Variants in CNTNAP2 observed in about 807,000 individuals in gnomAD.
CNTNAP2 encodes contactin-associated protein-like 2.
A neutral mutation model predicts 155.2 loss-of-function variants in CNTNAP2; 98 were observed. That is an observed-to-expected ratio of 0.63 (90% CI 0.54 to 0.75). CNTNAP2 has a LOEUF of 0.75. CNTNAP2 is among the 30% of genes least tolerant of loss of function. The pLI is 0.00. For synonymous variants in CNTNAP2, 651 were observed against 631.2 expected (o/e 1.03, Z -0.47); for missense variants, 1,727 against 1,688.1 (o/e 1.02, Z -0.40).
In CNTNAP2 at chr7:147,470,904, G is replaced by A. The variant is rs368655699; in HGVS notation, c.1671-15031G>A. Among the ~76,000 whole-genome samples, 47 of 152,136 alleles carry A rather than the reference G, an allele frequency of 3.1e-4. 1 individual carries two copies. The highest frequency in any genetic ancestry group is 1.3e-3 in the Admixed American group (20 of 15,270). On this transcript the variant is annotated intron_variant, in intron 10 of 23. Transcript: ENST00000361727. ...AGGCAAGCAGCCCAAGGTCGAGCTC[G>A]GGGGCACACCGATGTTTTATCAAAA...
chr7:147,220,389 T>C (rs1202855632), intron 8 of CNTNAP2, among the ~76,000 whole-genome samples: 6 of 152,232 alleles, frequency 3.9e-5, no homozygotes, highest in African/African-American at 1.4e-4. Flanking sequence ...GAGTTTCTCA[T>C]AGACAACACA....
intron 1 of CNTNAP2, among the ~76,000 whole-genome samples, chr7:146,215,382 G>A (rs1023799215): frequency 6.6e-6 from 1 of 152,006 alleles, no homozygotes; most frequent in Non-Finnish European, 1.5e-5. Context: ...ACATCTTACT[G>A]TCTTCAAATT....
intron 13 of CNTNAP2, among the ~76,000 whole-genome samples, chr7:147,739,141 G>GTTT (rs78880175): frequency 5.9e-5 from 8 of 136,310 alleles, no homozygotes; most frequent in Non-Finnish European, 9.6e-5. Flanking sequence ...TCTCTCTGAA[G>GTTT]TTTTTTTTTT....
At chr7:147,935,229 C>A (rs770397851) in intron 14 of CNTNAP2, among the ~76,000 whole-genome samples, 2 of 151,852 alleles carry the variant, frequency 1.3e-5, no homozygotes, top group Non-Finnish European at 2.9e-5. Flanking sequence ...CGGGGTCAAG[C>A]GACTCTCCTG....
At chr7:146,949,346 C>A (rs900258791) in intron 3 of CNTNAP2, among the ~76,000 whole-genome samples, 5 of 152,294 alleles carry the variant, frequency 3.3e-5, no homozygotes, top group African/African-American at 1.2e-4. Flanking sequence ...AGTCTTATCC[C>A]CTGATGTCTC....
intron 11 of CNTNAP2, among the ~76,000 whole-genome samples, chr7:147,508,152 C>G (rs1360348995): frequency 2.0e-5 from 3 of 152,160 alleles, no homozygotes; most frequent in East Asian, 3.8e-4. Context: ...CAGTGACCAG[C>G]ACATAGTAGA....
chr7:148,240,441 G>A (rs758275522), intron 20 of CNTNAP2, among the ~76,000 whole-genome samples: 34 of 152,176 alleles, frequency 2.2e-4, no homozygotes, highest in Non-Finnish European at 2.2e-4. Flanking sequence ...GCAGTTTGGG[G>A]TGGTGATAAG....
At chr7:147,088,806 T>A (rs1800335378) in intron 4 of CNTNAP2, among the ~76,000 whole-genome samples, 1 of 151,988 alleles carries the variant, frequency 6.6e-6, no homozygotes, top group Non-Finnish European at 1.5e-5. Context: ...TAGCTGGACA[T>A]GGTGGTGCCT....
chr7:147,296,690 T>C (rs1365358140), intron 8 of CNTNAP2, among the ~76,000 whole-genome samples: 1 of 152,204 alleles, frequency 6.6e-6, no homozygotes, highest in Non-Finnish European at 1.5e-5. Flanking sequence ...TAGACCCTGA[T>C]ATATGAATAT....
At chr7:147,814,828 G>T (rs1055696646) in intron 13 of CNTNAP2, among the ~76,000 whole-genome samples, 1 of 152,110 alleles carries the variant, frequency 6.6e-6, no homozygotes, top group African/African-American at 2.4e-5. Context: ...TATATATATA[G>T]TCGTCCTACA....
At chr7:146,610,100 T>C (rs1391795128) in intron 1 of CNTNAP2, among the ~76,000 whole-genome samples, 1 of 152,192 alleles carries the variant, frequency 6.6e-6, no homozygotes. Flanking sequence ...AGGTGAGTCA[T>C]ATACACTGCC....
chr7:147,148,444 A>G (rs1206289052), intron 8 of CNTNAP2, among the ~76,000 whole-genome samples: 1 of 151,950 alleles, frequency 6.6e-6, no homozygotes, highest in African/African-American at 2.4e-5. Flanking sequence ...GACAGAAAAG[A>G]TAAGAAAAAG....
intron 8 of CNTNAP2, among the ~76,000 whole-genome samples, chr7:147,259,773 A>G (rs1804415062): frequency 1.3e-5 from 2 of 152,230 alleles, no homozygotes; most frequent in Admixed American, 1.3e-4. Context: ...TGACAAATCA[A>G]TGCGAGGGTC....
intron 2 of CNTNAP2, among the ~76,000 whole-genome samples, chr7:146,775,163 G>T (rs1236516617): frequency 1.3e-5 from 2 of 152,144 alleles, no homozygotes; most frequent in Non-Finnish European, 2.9e-5. Flanking sequence ...CTTCGGTGGA[G>T]AGGGAGAAAA....
chr7:147,963,874 T>C (rs1801159136), intron 14 of CNTNAP2, among the ~76,000 whole-genome samples: 1 of 152,154 alleles, frequency 6.6e-6, no homozygotes, highest in African/African-American at 2.4e-5. Flanking sequence ...AAATGTCTTT[T>C]TTCCCCCCTC....
chr7:147,570,620 T>G (rs1482734206), intron 12 of CNTNAP2, among the ~76,000 whole-genome samples: 1 of 152,220 alleles, frequency 6.6e-6, no homozygotes, highest in Non-Finnish European at 1.5e-5. Flanking sequence ...AGGCACATTT[T>G]TAAAATATCA....
chr7:146,377,326 A>G (rs1335546912), intron 1 of CNTNAP2, among the ~76,000 whole-genome samples: 2 of 152,060 alleles, frequency 1.3e-5, no homozygotes, highest in Admixed American at 6.6e-5. Flanking sequence ...GTTTTCTCCC[A>G]TTCTTGCTTA....
At chr7:147,738,094 C>T (rs960947557) in intron 13 of CNTNAP2, among the ~76,000 whole-genome samples, 12 of 152,140 alleles carry the variant, frequency 7.9e-5, no homozygotes, top group Admixed American at 5.2e-4. Flanking sequence ...AGACATCACC[C>T]GTCTTTTGTG....
At chr7:146,228,822 T>C (rs1414895206) in intron 1 of CNTNAP2, among the ~76,000 whole-genome samples, 1 of 152,216 alleles carries the variant, frequency 6.6e-6, no homozygotes, top group African/African-American at 2.4e-5. Context: ...CAAATTTTAT[T>C]CATAATATTT....
Sources: gnomAD v4.1 joint callset for allele counts (sites outside exome capture counted in the v4.1 genomes callset) on GRCh38, gnomAD v4.1.1 for gene constraint, MANE v1.5 for transcripts, NCBI Gene and HGNC (gene_info 2026-07-23, HGNC 2026-07-21) for gene names.